Variants in NR6A1 observed in about 807,000 individuals in gnomAD.
The protein encoded by NR6A1 is retinoic acid receptor-related testis-associated receptor.
NR6A1 carries 7 observed loss-of-function variants against 59.1 expected under a neutral mutation model. That is an observed-to-expected ratio of 0.12 (90% CI 0.07 to 0.22). NR6A1 has a LOEUF of 0.22. NR6A1 is among the 10% of genes least tolerant of loss of function. The pLI is 1.00. For missense variants in NR6A1, 468 were observed against 611.6 expected (o/e 0.77, Z 2.48); for synonymous variants, 243 against 236.1 (o/e 1.03, Z -0.27).
At chr9:124,561,348 G>C (rs1834079250) in intron 2 of NR6A1, among the ~76,000 whole-genome samples, 1 of 152,052 alleles carries the variant, frequency 6.6e-6, no homozygotes, top group South Asian at 2.1e-4. Flanking sequence ...TGAGGTAGGA[G>C]TATCACCTGA....
rs867025445 is a variant in NR6A1, at chr9:124,563,488, A to C, written c.143-8918T>G. Among the ~76,000 whole-genome samples, 76 of 152,354 alleles carry C rather than the reference A, an allele frequency of 5.0e-4. 1 individual carries two copies. Among genetic ancestry groups the C allele is most frequent in the African/African-American group, 1.7e-3 (72 of 41,588 alleles). On this transcript the variant is annotated intron_variant, in intron 2 of 9. Coordinates refer to ENST00000487099, the MANE Select transcript of NR6A1 (RefSeq NM_033334.4). Reference sequence around the variant, plus strand: ...TTCAGTTCTCTTAGTCTAACTATTAACTGTAAAATACAAATAATATTAGTA... The same window carrying C: ...TTCAGTTCTCTTAGTCTAACTATTACCTGTAAAATACAAATAATATTAGTA...
rs139896915 is a variant in NR6A1, at chr9:124,671,507, C to T, written c.142+61801G>A. ...ATTTATTCTTTTTTAAAAAGGAACA[C>T]GCTTAAAATATTAACTGAAAAATAA... On this transcript the variant is annotated intron_variant, in intron 2 of 9. Coordinates refer to ENST00000487099, the MANE Select transcript of NR6A1 (RefSeq NM_033334.4). Among the ~76,000 whole-genome samples, 703 of 152,134 alleles carry T rather than the reference C, an allele frequency of 4.6e-3. 6 individuals carry two copies. Among genetic ancestry groups the T allele is most frequent in the African/African-American group, 0.016 (657 of 41,482 alleles).
At chr9:124,744,045 A>G (rs1840253248) in intron 1 of NR6A1, among the ~76,000 whole-genome samples, 1 of 152,190 alleles carries the variant, frequency 6.6e-6, no homozygotes, top group Admixed American at 6.5e-5. Context: ...TGGGCAATAT[A>G]GTGAGACCTC....
chr9:124,528,900 A>T (rs187712408), intron 7 of NR6A1, among the ~76,000 whole-genome samples: 10 of 152,350 alleles, frequency 6.6e-5, no homozygotes, highest in African/African-American at 2.4e-4. Context: ...ATATGCGTAG[A>T]TTATACACAA....
intron 2 of NR6A1, among the ~76,000 whole-genome samples, chr9:124,646,237 A>C (rs909919985): frequency 2.0e-5 from 3 of 152,166 alleles, no homozygotes; most frequent in Non-Finnish European, 4.4e-5. Context: ...AAGAAAAGAA[A>C]TAATAAAAAT....
intron 2 of NR6A1, among the ~76,000 whole-genome samples, chr9:124,573,646 G>A (rs746301502): frequency 1.6e-4 from 25 of 152,242 alleles, no homozygotes; most frequent in Non-Finnish European, 2.9e-4. Context: ...TTTTATGTCC[G>A]AGTTCTTTTT....
intron 2 of NR6A1, among the ~76,000 whole-genome samples, chr9:124,619,324 C>T (rs149784368): frequency 0.019 from 2,857 of 152,146 alleles, 42 homozygotes; most frequent in Non-Finnish European, 0.031. Context: ...AGTGCAGTGG[C>T]GCAATCTTGG....
chr9:124,727,071 A>G (rs1839743498), intron 2 of NR6A1, among the ~76,000 whole-genome samples: 1 of 152,258 alleles, frequency 6.6e-6, no homozygotes, highest in South Asian at 2.1e-4. Flanking sequence ...TAAATGCTGA[A>G]TCATTTTTAA....
At chr9:124,606,856 G>C (rs1300547223) in intron 2 of NR6A1, among the ~76,000 whole-genome samples, 2 of 152,184 alleles carry the variant, frequency 1.3e-5, no homozygotes, top group Non-Finnish European at 2.9e-5. Flanking sequence ...ACTGAGGAAA[G>C]GGGATATTGC....
chr9:124,724,773 C>T (rs550994118), intron 2 of NR6A1, among the ~76,000 whole-genome samples: 2 of 152,286 alleles, frequency 1.3e-5, no homozygotes, highest in African/African-American at 4.8e-5. Context: ...TACCCTTTGA[C>T]CCTCTATCTG....
chr9:124,681,185 A>AC (rs2130993429), intron 2 of NR6A1, among the ~76,000 whole-genome samples: 1 of 152,108 alleles, frequency 6.6e-6, no homozygotes, highest in East Asian at 1.9e-4. Flanking sequence ...GAACTAGCCC[A>AC]TTTTTTTCAT....
At chr9:124,651,491 G>A (rs551047296) in intron 2 of NR6A1, among the ~76,000 whole-genome samples, 1 of 152,298 alleles carries the variant, frequency 6.6e-6, no homozygotes, top group East Asian at 1.9e-4. Context: ...AAGAGGAAAT[G>A]ACAATACCAA....
At chr9:124,770,841 G>A (rs1368326276) in intron 1 of NR6A1, among the ~76,000 whole-genome samples, 179 bp downstream of exon 1, 1 of 151,802 alleles carries the variant, frequency 6.6e-6, no homozygotes, top group African/African-American at 2.4e-5. Context: ...CCCTGAGCGA[G>A]ACCGGGGAGG....
At chr9:124,662,517 A>G (rs1432870248) in intron 2 of NR6A1, among the ~76,000 whole-genome samples, 1 of 152,204 alleles carries the variant, frequency 6.6e-6, no homozygotes, top group East Asian at 1.9e-4. Flanking sequence ...TGCCAGGCAC[A>G]TGGTAGAGAT....
intron 1 of NR6A1, among the ~76,000 whole-genome samples, chr9:124,753,567 C>T (rs916962634): frequency 8.5e-5 from 13 of 152,174 alleles, no homozygotes; most frequent in Admixed American, 1.3e-4. Context: ...CTCTAAGCCT[C>T]AGTTTACTCA....
At chr9:124,651,458 T>C (rs1395106936) in intron 2 of NR6A1, among the ~76,000 whole-genome samples, 2 of 152,212 alleles carry the variant, frequency 1.3e-5, no homozygotes, top group Non-Finnish European at 2.9e-5. Flanking sequence ...CCATGTCACA[T>C]CTCAATTTCC....
intron 2 of NR6A1, among the ~76,000 whole-genome samples, chr9:124,704,740 T>A (rs989681300): frequency 1.3e-5 from 2 of 151,844 alleles, no homozygotes; most frequent in Non-Finnish European, 2.9e-5. Flanking sequence ...TTAAAAAAAA[T>A]TTTTGTGTGT....
At chr9:124,759,349 A>G (rs1156441898) in intron 1 of NR6A1, among the ~76,000 whole-genome samples, 1 of 152,224 alleles carries the variant, frequency 6.6e-6, no homozygotes, top group Admixed American at 6.5e-5. Context: ...TAGTCACTTT[A>G]AATTACAGGA....
At chr9:124,619,716 T>C (rs191562896) in intron 2 of NR6A1, among the ~76,000 whole-genome samples, 49 of 152,216 alleles carry the variant, frequency 3.2e-4, no homozygotes, top group East Asian at 1.5e-3. Flanking sequence ...ATCTGTAAAA[T>C]AGGGAGGGGG....
Sources: gnomAD v4.1 joint callset for allele counts (sites outside exome capture counted in the v4.1 genomes callset) on GRCh38, gnomAD v4.1.1 for gene constraint, MANE v1.5 for transcripts, NCBI Gene and HGNC (gene_info 2026-07-23, HGNC 2026-07-21) for gene names.